IGSF5: variants seen among roughly 807,000 people sequenced by gnomAD.
IGSF5 encodes immunoglobulin superfamily 5 like.
A neutral mutation model predicts 39.4 loss-of-function variants in IGSF5; 41 were observed. The observed-to-expected ratio is 1.04, with a 90% CI of 0.81 to 1.35. The LOEUF (loss-of-function observed/expected upper bound fraction) is 1.35. IGSF5 is among the 40% of genes most tolerant of loss of function. The probability of loss-of-function intolerance (pLI) is 0.00; values close to 1 mark genes in which losing one functional copy is unlikely to be tolerated. For missense variants in IGSF5, 487 were observed against 494.6 expected (o/e 0.98, Z 0.15); for synonymous variants, 183 against 175.3 (o/e 1.04, Z -0.34).
chr21:39,733,653 C>T, the IGSF5 span, among the ~76,000 whole-genome samples: 1 of 152,196 alleles, frequency 6.6e-6, no homozygotes, highest in African/African-American at 2.4e-5. Flanking sequence ...CAGAAATGCA[C>T]TCTGCCACAG....
the IGSF5 span, among the ~76,000 whole-genome samples, chr21:39,723,450 A>G: frequency 3.3e-5 from 5 of 152,354 alleles, no homozygotes; most frequent in African/African-American, 1.2e-4. Flanking sequence ...TTTTGCTGCA[A>G]TCTGTGAGTT....
rs1048679345 is a variant in IGSF5, at chr21:39,745,498, G to T, written c.-12G>T. The T allele has an allele frequency of 7.0e-6, 5 of 716,190 alleles. No individual in the cohort carries two copies. The African/African-American group carries it at 7.0e-5, about 10-fold the overall frequency. The allele number at this position is 716,190 out of a possible 1,614,324, so 44.4% of individuals were successfully genotyped here. A position where few individuals can be genotyped will look rare whatever the true frequency, so the allele number is the denominator to read the frequency against. On this transcript the variant is annotated 5_prime_UTR_variant, in exon 1 of 9. Coordinates refer to ENST00000380588, the MANE Select transcript of IGSF5 (RefSeq NM_001080444.2). ...ATACTTTCAAGAAAGTCGTGTTCGG[G>T]ACCCAGGAGGTATGGGTCAGAAGGA...
intron 2 of IGSF5, among the ~76,000 whole-genome samples, chr21:39,755,066 T>A (rs1358681945): frequency 6.6e-6 from 1 of 152,228 alleles, no homozygotes; most frequent in Non-Finnish European, 1.5e-5. Flanking sequence ...ATTCTTAGTC[T>A]GTTGCCTGAC....
intron 2 of IGSF5, among the ~76,000 whole-genome samples, chr21:39,750,553 G>A (rs1180265009): frequency 6.7e-6 from 1 of 149,526 alleles, no homozygotes; most frequent in Non-Finnish European, 1.5e-5. Flanking sequence ...CTGAACATCA[G>A]GTTCTTGGGA....
chr21:39,796,960 C>T (rs1009915097), intron 8 of IGSF5, among the ~76,000 whole-genome samples: 1 of 152,170 alleles, frequency 6.6e-6, no homozygotes, highest in African/African-American at 2.4e-5. Flanking sequence ...AGGACGGCAA[C>T]TGCTGACCAC....
the IGSF5 span, among the ~76,000 whole-genome samples, chr21:39,715,346 T>C: frequency 6.6e-6 from 1 of 152,112 alleles, no homozygotes; most frequent in African/African-American, 2.4e-5. Flanking sequence ...CTTGGACTCC[T>C]GGGCTCAAGT....
chr21:39,778,173 A>G (rs531355906), intron 4 of IGSF5, among the ~76,000 whole-genome samples: 31 of 152,306 alleles, frequency 2.0e-4, no homozygotes, highest in East Asian at 1.2e-3. Flanking sequence ...GGGAACATCA[A>G]TGTAGTTCCC....
chr21:39,722,752 C>A, the IGSF5 span, among the ~76,000 whole-genome samples: 1 of 152,140 alleles, frequency 6.6e-6, no homozygotes, highest in Non-Finnish European at 1.5e-5. Flanking sequence ...GTCTTCATAA[C>A]ACTTTCTACC....
intron 2 of IGSF5, among the ~76,000 whole-genome samples, chr21:39,755,545 C>T (rs1285132627): frequency 6.7e-6 from 1 of 149,600 alleles, no homozygotes; most frequent in Admixed American, 6.7e-5. Context: ...CAAGATCGCA[C>T]CATTGCACTC....
the IGSF5 span, among the ~76,000 whole-genome samples, chr21:39,723,804 G>C: frequency 6.6e-6 from 1 of 152,292 alleles, no homozygotes; most frequent in South Asian, 2.1e-4. Flanking sequence ...GAATCTTTAA[G>C]AAATTAGCTG....
Position 39,765,557 on chromosome 21 carries a change from C to A in IGSF5, c.123C>A (p.Val41=). ...CAGGTTCTGGGTCTGGTAATGAAGT[C>A]ATAGAAGGCCCCCAAAATGCAAGAG... The part of the protein sequence containing the change: ...VVDGSGSGNE[V]IEGPQNARVL... The change falls in exon 3 of 9, where the codon GTC becomes GTA. Residue 41 remains valine, a synonymous_variant. Coordinates refer to ENST00000380588, the MANE Select transcript of IGSF5 (RefSeq NM_001080444.2). 6.2e-7 allele frequency: 1 copy of A among 1,613,754 alleles called. No individual in the cohort carries two copies. The highest frequency in any genetic ancestry group is 1.1e-5 in the South Asian group (1 of 91,064).
chr21:39,711,877 T>G, the IGSF5 span, among the ~76,000 whole-genome samples: 1 of 152,160 alleles, frequency 6.6e-6, no homozygotes, highest in Non-Finnish European at 1.5e-5. Flanking sequence ...TCCTTTCAGA[T>G]GGTGACACCT....
In IGSF5 at chr21:39,770,959, T is replaced by C. The variant is rs763435119; in HGVS notation, c.462T>C (p.Ala154=). ...TTCCCAGTGTTAATCTTGTAGTCGC[T>C]GAGAATGAACCTTGTGAAGTTACTT... ...LFIPSVNLVV[A]ENEPCEVTCL... The change falls in exon 4 of 9, where the codon GCT becomes GCC. Residue 154 remains alanine (A), a synonymous_variant. Coordinates refer to ENST00000380588, the MANE Select transcript of IGSF5 (RefSeq NM_001080444.2). 11 of 1,601,052 alleles carry C rather than the reference T, an allele frequency of 6.9e-6. No homozygotes were observed. In the Admixed American group the frequency reaches 1.7e-4, roughly 25 times the overall value.
upstream of IGSF5, among the ~76,000 whole-genome samples, chr21:39,742,602 C>T (rs891951390): frequency 6.6e-6 from 1 of 152,190 alleles, no homozygotes; most frequent in African/African-American, 2.4e-5. Flanking sequence ...CCAGTGATTC[C>T]CTTGACATAA....
chr21:39,724,125 A>C, the IGSF5 span, among the ~76,000 whole-genome samples: 1 of 126,462 alleles, frequency 7.9e-6, no homozygotes, highest in African/African-American at 2.9e-5. Context: ...AATAAAATAA[A>C]ATAAAATGCC....
At chr21:39,757,637 C>T (rs1008027324) in intron 2 of IGSF5, among the ~76,000 whole-genome samples, 6 of 149,564 alleles carry the variant, frequency 4.0e-5, no homozygotes, top group Admixed American at 1.3e-4. Flanking sequence ...AGTGCAATGA[C>T]GTGATCTCTG....
rs34427585 is a variant in IGSF5 at position 39,769,467 on chromosome 21, C to CA, written c.419-1425dup. On this transcript the variant is annotated intron_variant, in intron 3 of 8. Coordinates refer to ENST00000380588, the MANE Select transcript of IGSF5 (RefSeq NM_001080444.2). ...GGGCAACAAGAGTGAAAGTCTGTCTCAAAAAAAAAAAAAAAAAAAAAAAAG... is the reference window on the plus strand; with the variant it reads ...GGGCAACAAGAGTGAAAGTCTGTCTCAAAAAAAAAAAAAAAAAAAAAAAAAG... Among the ~76,000 whole-genome samples the CA allele has an allele frequency of 8.8e-3, 699 of 79,116 alleles. 4 individuals are homozygous for CA. The highest frequency in any genetic ancestry group is 0.042 in the South Asian group (81 of 1,906). 51.9% of individuals were successfully genotyped at this position (79,116 alleles called of 152,430 possible).
intron 6 of IGSF5, among the ~76,000 whole-genome samples, chr21:39,791,253 T>C (rs1392702476): frequency 6.6e-6 from 1 of 152,230 alleles, no homozygotes; most frequent in Non-Finnish European, 1.5e-5. Flanking sequence ...AGAACCATCA[T>C]CATTTATTTT....
intron 3 of IGSF5, among the ~76,000 whole-genome samples, chr21:39,769,505 T>A (rs1176500056): frequency 2.0e-5 from 3 of 151,430 alleles, no homozygotes; most frequent in Non-Finnish European, 2.9e-5. Flanking sequence ...AAAAGTAAGT[T>A]TTGGTACAGT....
Sources: allele counts gnomAD v4.1 joint callset (sites outside exome capture counted in the v4.1 genomes callset), GRCh38; gene constraint gnomAD v4.1.1; transcripts MANE v1.5; gene names NCBI Gene and HGNC (gene_info 2026-07-23, HGNC 2026-07-21).